The following MYZAP variants were observed in gnomAD, a reference collection of about 807,000 sequenced individuals.
MYZAP encodes myocardial zonula adherens protein.
MYZAP carries 66 observed loss-of-function variants against 69.4 expected under a neutral mutation model. The observed-to-expected ratio is 0.95, with a 90% CI of 0.78 to 1.17. MYZAP has a LOEUF of 1.17. Among genes scored for constraint, MYZAP ranks in the 50% most tolerant of loss-of-function variants. The pLI is 0.00. For synonymous variants in MYZAP, 256 were observed against 205.9 expected (o/e 1.24, Z -2.09); for missense variants, 611 against 556.2 (o/e 1.10, Z -0.99).
Position 57,676,460 on chromosome 15 carries a change from A to ATG in MYZAP, c.1304+1393_1304+1394insGT, listed in dbSNP as rs1209648574. ...TGTATATATATATATATATATATAC[A>ATG]TATATATACATATATATAGACTCCG... On this transcript the variant is annotated intron_variant, in intron 12 of 12. Coordinates refer to ENST00000267853, the MANE Select transcript of MYZAP (RefSeq NM_001018100.5). 2.5e-3 allele frequency among the ~76,000 whole-genome samples: 361 copies of ATG among 143,522 alleles called. 7 individuals carry two copies. In the East Asian group the frequency reaches 0.029, roughly 11 times the overall value. The allele number at this position is 143,522 out of a possible 152,430, so 94.2% of individuals were successfully genotyped here.
intron 10 of MYZAP, among the ~76,000 whole-genome samples, chr15:57,648,771 C>G (rs916404823): frequency 2.7e-5 from 4 of 147,166 alleles, no homozygotes; most frequent in Non-Finnish European, 4.5e-5. Context: ...GCCATTTTGG[C>G]ACACTTGTTT....
chr15:57,647,447 G>T (rs2037500014), intron 10 of MYZAP: 4 of 985,386 alleles, frequency 4.1e-6, no homozygotes, highest in Non-Finnish European at 4.8e-6. Flanking sequence ...GTCTCTGGTG[G>T]AAAAGTCACT....
intron 8 of MYZAP, among the ~76,000 whole-genome samples, chr15:57,637,148 CTTTAA>C (rs1397763405): frequency 6.6e-6 from 1 of 152,278 alleles, no homozygotes; most frequent in Admixed American, 6.5e-5. Context: ...ATTTTAAGAT[CTTTAA>C]CTTAATCACA....
intron 10 of MYZAP, chr15:57,647,316 G>A: frequency 3.0e-6 from 3 of 985,350 alleles, no homozygotes; most frequent in Non-Finnish European, 2.4e-6. Flanking sequence ...TACGATGCTG[G>A]GTATTCAGAC....
intron 6 of MYZAP, among the ~76,000 whole-genome samples, chr15:57,631,694 G>A (rs530247932): frequency 1.1e-4 from 16 of 152,258 alleles, no homozygotes; most frequent in Admixed American, 3.3e-4. Context: ...AGTCAAGGGC[G>A]TCAAGAGAGA....
rs564039529 is a variant in MYZAP, at chr15:57,625,705, G to T, written c.412-74G>T. On this transcript the variant is annotated intron_variant, in intron 4 of 12. Coordinates refer to ENST00000267853, the MANE Select transcript of MYZAP (RefSeq NM_001018100.5). ...TAGATGTGGCTTCTAACAGAAGAAA[G>T]TTCCAGCCTAACTGAAGATTGTCGT... 1,850 of 1,404,128 alleles carry T rather than the reference G, an allele frequency of 1.3e-3. 3 individuals are homozygous for T. The highest frequency in any genetic ancestry group is 1.8e-3 in the Non-Finnish European group (1,746 of 993,240). 87.0% of individuals were successfully genotyped at this position (1,404,128 alleles called of 1,614,324 possible). A position where few individuals can be genotyped will look rare whatever the true frequency, so the allele number is the denominator to read the frequency against.
chr15:57,662,439 G>A (rs541886697), intron 11 of MYZAP, among the ~76,000 whole-genome samples: 8 of 152,326 alleles, frequency 5.3e-5, no homozygotes, highest in African/African-American at 1.7e-4. Flanking sequence ...TATGTTCTGT[G>A]TAACACAGAA....
chr15:57,625,176 C>T (rs1301066618), intron 4 of MYZAP, among the ~76,000 whole-genome samples: 3 of 151,842 alleles, frequency 2.0e-5, no homozygotes, highest in Non-Finnish European at 4.4e-5. Context: ...GGGGTTCAAG[C>T]GATTCGCCTG....
intron 3 of MYZAP, 133 bp downstream of exon 3, chr15:57,618,321 A>G (rs1189710737): frequency 1.4e-6 from 2 of 1,385,056 alleles, no homozygotes; most frequent in African/African-American, 1.5e-5. Context: ...TTTGGCTGGA[A>G]ATGTTTCTGT....
intron 10 of MYZAP, chr15:57,646,089 A>G (rs1244373918): frequency 2.5e-6 from 3 of 1,207,262 alleles, no homozygotes; most frequent in African/African-American, 3.1e-5. Context: ...GAAAGGAGCC[A>G]TAGCACCAAG....
chr15:57,682,271 T>TA (rs2039483434), intron 12 of MYZAP, among the ~76,000 whole-genome samples: 1 of 152,146 alleles, frequency 6.6e-6, no homozygotes, highest in Non-Finnish European at 1.5e-5. Flanking sequence ...TGTAGATTTT[T>TA]ATGGGTTAAA....
chr15:57,617,705 G>A (rs1266581981), intron 2 of MYZAP, among the ~76,000 whole-genome samples: 2 of 152,208 alleles, frequency 1.3e-5, no homozygotes, highest in African/African-American at 4.8e-5. Flanking sequence ...GCATTATTAA[G>A]AGCATGAGGT....
intron 12 of MYZAP, among the ~76,000 whole-genome samples, chr15:57,681,878 G>A (rs1425766750): frequency 1.3e-5 from 2 of 152,032 alleles, no homozygotes; most frequent in African/African-American, 4.8e-5. Context: ...AGAATCTCCT[G>A]GGGGAGACAT....
chr15:57,611,345 ACT>A (rs1198325545), intron 2 of MYZAP, among the ~76,000 whole-genome samples: 2 of 152,094 alleles, frequency 1.3e-5, no homozygotes, highest in Non-Finnish European at 2.9e-5. Flanking sequence ...TATCAGAGAA[ACT>A]CTGTTTAGGA....
intron 10 of MYZAP, among the ~76,000 whole-genome samples, chr15:57,648,703 A>G (rs1245205395): frequency 1.3e-5 from 2 of 151,850 alleles, no homozygotes; most frequent in Non-Finnish European, 2.9e-5. Context: ...AATTGCAAAA[A>G]GTTGTAGAGT....
At chr15:57,632,342 C>A in intron 6 of MYZAP, 92 bp from the exon 7 acceptor site, 1 of 1,576,906 alleles carries the variant, frequency 6.3e-7, no homozygotes, top group Non-Finnish European at 8.6e-7. Context: ...GGCTCACTAC[C>A]TCTGTGAGTC....
At chr15:57,653,504 A>T (rs533763199) in intron 10 of MYZAP, among the ~76,000 whole-genome samples, 1 of 152,310 alleles carries the variant, frequency 6.6e-6, no homozygotes, top group Admixed American at 6.5e-5. Flanking sequence ...CTTAATGTGG[A>T]TTTAAAATAC....
rs1156666553 is a variant in MYZAP, at chr15:57,661,470, G to A, written c.1140G>A (p.Lys380=). Residue 380 remains lysine, a synonymous_variant, in exon 11 of 13, where the codon AAG becomes AAA. Coordinates refer to ENST00000267853, the MANE Select transcript of MYZAP (RefSeq NM_001018100.5). ...MVEEIESLKK[K]LQQKQLLILQ... ...TCTAGATTGAATCATTAAAGAAAAA[G>A]TTGCAACAGAAACAGCTCTTAATAC... The A allele has an allele frequency of 6.2e-7, 1 of 1,608,362 alleles. No individual in the cohort carries two copies. The highest frequency in any genetic ancestry group is 1.3e-5 in the African/African-American group (1 of 74,754).
At chr15:57,614,180 C>T (rs2035287591) in intron 2 of MYZAP, among the ~76,000 whole-genome samples, 1 of 152,288 alleles carries the variant, frequency 6.6e-6, no homozygotes, top group Admixed American at 6.5e-5. Context: ...TATTTATGTA[C>T]CCTGAGTAAT....
Sources: gnomAD v4.1 joint callset for allele counts (sites outside exome capture counted in the v4.1 genomes callset) on GRCh38, gnomAD v4.1.1 for gene constraint, MANE v1.5 for transcripts, NCBI Gene and HGNC (gene_info 2026-07-23, HGNC 2026-07-21) for gene names.